CROCC: variants seen among roughly 807,000 people sequenced by gnomAD.
CROCC encodes the protein rootletin.
A neutral mutation model predicts 245.2 loss-of-function variants in CROCC; 180 were observed. The ratio of observed to expected loss-of-function variants is 0.73; its 90% CI spans 0.65 to 0.83. CROCC has a LOEUF of 0.83. Ranked by LOEUF, CROCC falls within the 40% of genes least tolerant of loss-of-function variation. CROCC has a pLI of 0.00. For synonymous variants in CROCC, 1,205 were observed against 1,241.6 expected (o/e 0.97, Z 0.62); for missense variants, 2,688 against 2,779.4 (o/e 0.97, Z 0.74).
Position 16,968,193 on chromosome 1 carries a change from C to A in CROCC, c.4861-10C>A. The A allele has an allele frequency of 6.4e-7, 1 of 1,555,506 alleles. No individual in the cohort carries two copies. The highest frequency in any genetic ancestry group is 8.7e-7 in the Non-Finnish European group (1 of 1,150,618). Reference sequence around the variant, plus strand: ...TGGACGTCTGGGCCTGAGCCCCATGCCACCTGCAGGAGAAGATCAGCAAGA... The same window carrying A: ...TGGACGTCTGGGCCTGAGCCCCATGACACCTGCAGGAGAAGATCAGCAAGA... On this transcript the variant is annotated splice_polypyrimidine_tract_variant and intron_variant, in intron 30 of 36. Coordinates refer to ENST00000375541, the MANE Select transcript of CROCC (RefSeq NM_014675.5).
intron 3 of CROCC, among the ~76,000 whole-genome samples, chr1:16,928,243 T>C (rs1310398269): frequency 6.6e-6 from 1 of 152,282 alleles, no homozygotes; most frequent in Non-Finnish European, 1.5e-5. Flanking sequence ...GTGTTGTCGC[T>C]GCCAGGTGCC....
At chr1:16,964,044 C>T (rs890798715) in intron 27 of CROCC, among the ~76,000 whole-genome samples, 1 of 152,032 alleles carries the variant, frequency 6.6e-6, no homozygotes, top group Non-Finnish European at 1.5e-5. Context: ...GTGATCTGCC[C>T]GCCTCGGCCT....
rs765269533 is a variant in CROCC, at chr1:16,946,339, C to T, written c.2217C>T (p.Ser739=). 2 of 1,613,478 alleles carry T rather than the reference C, an allele frequency of 1.2e-6. No homozygotes were observed. Among genetic ancestry groups the T allele is most frequent in the African/African-American group, 1.3e-5 (1 of 75,082 alleles). Residue 739 remains serine (S), a synonymous_variant, in exon 16 of 37, where the codon TCC becomes TCT. Transcript: ENST00000375541. ...AGGCCTCCCTGCAGGACTCCCTGTC[C>T]AAGCTGAGCGCCCTCAACGAGAGCC... The part of the protein sequence containing the change: ...AEEASLQDSL[S]KLSALNESLA...
rs545389998 is a variant in CROCC at position 16,969,862 on chromosome 1, G to A, written c.5379G>A (p.Thr1793=). The part of the protein sequence containing the change: ...QSSSLGEQVQ[T]LRGEVADLEL... ...GCTCCCTGGGCGAGCAGGTGCAGAC[G>A]TTGCGAGGCGAGGTGGCTGACCTGG... Residue 1793 remains threonine, a synonymous_variant, in exon 33 of 37, where the codon ACG becomes ACA. Transcript: ENST00000375541. 7.4e-6 allele frequency: 12 copies of A among 1,612,272 alleles called. No homozygotes were observed. In the East Asian group the frequency reaches 8.9e-5, roughly 12 times the overall value.
chr1:16,933,416 G>A (rs2075722345), intron 8 of CROCC, among the ~76,000 whole-genome samples: 2 of 152,202 alleles, frequency 1.3e-5, no homozygotes, highest in Admixed American at 6.5e-5. Context: ...TCAGTGAGCC[G>A]AGATAACACC....
At position 16,972,817 on chromosome 1, in the gene CROCC, CTT is replaced by C. The variant is rs1372573726; in HGVS notation, c.*372_*373del. The C allele has an allele frequency of 1.2e-5, 2 of 172,238 alleles. No individual in the cohort carries two copies. Among genetic ancestry groups the C allele is most frequent in the Non-Finnish European group, 2.4e-5 (2 of 81,880 alleles). 10.7% of individuals were successfully genotyped at this position (172,238 alleles called of 1,614,324 possible). A position where few individuals can be genotyped will look rare whatever the true frequency, so the allele number is the denominator to read the frequency against. On this transcript the variant is annotated 3_prime_UTR_variant, in exon 37 of 37. Coordinates refer to ENST00000375541, the MANE Select transcript of CROCC (RefSeq NM_014675.5). ...CAGGGGTCAGAGGCCCAGGCCCTGA[CTT>C]CGGCTTCCCAGAGATCTCTCCGCCT...
upstream of CROCC, among the ~76,000 whole-genome samples, chr1:16,919,795 G>A (rs1337540009): frequency 6.6e-6 from 1 of 152,284 alleles, no homozygotes; most frequent in South Asian, 2.1e-4. Flanking sequence ...GCCCAGGCTG[G>A]TCTCAAACTC....
intron 13 of CROCC, among the ~76,000 whole-genome samples, chr1:16,943,548 A>AG (rs1332260969): frequency 6.6e-6 from 1 of 152,236 alleles, no homozygotes; most frequent in East Asian, 1.9e-4. Flanking sequence ...AAAAAAAAAA[A>AG]ATAAAACAAA....
intron 13 of CROCC, chr1:16,940,820 A>C (rs1405381580): frequency 5.5e-6 from 2 of 362,668 alleles, no homozygotes; most frequent in Non-Finnish European, 1.1e-5. Context: ...TGGAACTCCC[A>C]GACTCAAGCG....
rs530303680 is a variant in CROCC at position 16,935,517 on chromosome 1, T to G, written c.957-1120T>G. 4.6e-5 allele frequency among the ~76,000 whole-genome samples: 7 copies of G among 152,330 alleles called. No individual in the cohort carries two copies. In the East Asian group the frequency reaches 1.3e-3, roughly 29 times the overall value. On this transcript the variant is annotated intron_variant, in intron 8 of 36. Coordinates refer to ENST00000375541, the MANE Select transcript of CROCC (RefSeq NM_014675.5). ...CTCTCTGCAAGCTCCGCCTCCTGGGTTCACGCCATTCTCCTGCCTCAGCCT... is the reference window on the plus strand; with the variant it reads ...CTCTCTGCAAGCTCCGCCTCCTGGGGTCACGCCATTCTCCTGCCTCAGCCT...
At position 16,972,597 on chromosome 1, in the gene CROCC, A is replaced by G. The variant is rs1570731644; in HGVS notation, c.*151A>G. The stretch of plus-strand genomic sequence containing the variant: ...TCTGCTGGCAGTGCTGAGGACGGGT[A>G]CTCCAGCTCCAGGCCTGGAGAGGCT... On this transcript the variant is annotated 3_prime_UTR_variant, in exon 37 of 37. Transcript: ENST00000375541. 1.8e-6 allele frequency: 1 copy of G among 560,764 alleles called. No homozygotes were observed. Among genetic ancestry groups the G allele is most frequent in the Non-Finnish European group, 3.2e-6 (1 of 316,532 alleles). The allele number at this position is 560,764 out of a possible 1,614,324, so 34.7% of individuals were successfully genotyped here.
At position 16,914,483 on chromosome 1, in the gene CROCC, C is replaced by T. The variant is rs201248335; in HGVS notation, n.126-15803C>T. On this transcript the variant is annotated intron_variant and non_coding_transcript_variant, in intron 1 of 8. Transcript: ENST00000466256. ...GACGGCCTCTGCCCCCCGCAGATGC[C>T]CTCTGCAGCTCCTGCGTGCGGGCCC... is the stretch of plus-strand genomic sequence containing the variant. Among the ~76,000 whole-genome samples, 11 of 152,384 alleles carry T rather than the reference C, an allele frequency of 7.2e-5. No homozygotes were observed. The East Asian group carries it at 1.3e-3, about 19-fold the overall frequency.
At position 16,965,720 on chromosome 1, in the gene CROCC, T is replaced by C. The variant is rs777084293; in HGVS notation, c.4406-3T>C. 1 of 1,600,910 alleles carries C rather than the reference T, an allele frequency of 6.2e-7. No homozygotes were observed. Among genetic ancestry groups the C allele is most frequent in the Non-Finnish European group, 8.6e-7 (1 of 1,168,892 alleles). On this transcript the variant is annotated splice_polypyrimidine_tract_variant and splice_region_variant and intron_variant, in intron 27 of 36. Transcript: ENST00000375541. ...CACTGAGCAAGTCTTCTTTCTCTTC[T>C]AGGAAGCGGGGAAGGGCTCAACAGC... is the stretch of plus-strand genomic sequence containing the variant.
intron 1 of CROCC, among the ~76,000 whole-genome samples, chr1:16,916,853 C>A (rs776266299): frequency 6.6e-6 from 1 of 152,302 alleles, no homozygotes; most frequent in African/African-American, 2.4e-5. Context: ...CGCAGTGGCT[C>A]ATGCCTATAA....
At chr1:16,956,567 G>A (rs2076253268) in intron 25 of CROCC, among the ~76,000 whole-genome samples, 1 of 152,122 alleles carries the variant, frequency 6.6e-6, no homozygotes, top group African/African-American at 2.4e-5. Flanking sequence ...ACTCTGCTGG[G>A]GTAGTGAGAA....
chr1:16,943,239 T>TAAA (rs61046288), intron 13 of CROCC, among the ~76,000 whole-genome samples: 1 of 135,458 alleles, frequency 7.4e-6, no homozygotes, highest in Non-Finnish European at 1.6e-5. Context: ...AGATGCCGTC[T>TAAA]AAAAAAAAAA....
chr1:16,939,239 C>T (rs1227319912), intron 12 of CROCC, 97 bp downstream of exon 12: 9 of 1,120,098 alleles, frequency 8.0e-6, no homozygotes, highest in Non-Finnish European at 1.1e-5. Flanking sequence ...GGTCCGGGGC[C>T]AGGGTCCGAG....
intron 12 of CROCC, 64 bp from the exon 13 acceptor site, chr1:16,939,830 A>T: frequency 6.4e-7 from 1 of 1,563,912 alleles, no homozygotes; most frequent in Non-Finnish European, 8.8e-7. Flanking sequence ...TGGAACCAGA[A>T]GAGAGTAGGT....
chr1:16,964,284 T>A (rs56729297), intron 27 of CROCC, among the ~76,000 whole-genome samples: 2,498 of 151,956 alleles, frequency 0.016, 76 homozygotes, highest in African/African-American at 0.057. Context: ...TAGCTGGGAC[T>A]ATAAGCGTGG....
Sources: gnomAD v4.1 joint callset for allele counts (sites outside exome capture counted in the v4.1 genomes callset) on GRCh38, gnomAD v4.1.1 for gene constraint, MANE v1.5 for transcripts, NCBI Gene and HGNC (gene_info 2026-07-23, HGNC 2026-07-21) for gene names.